The following CCAR1 variants were observed in gnomAD, a reference collection of about 807,000 sequenced individuals.
CCAR1 encodes cell division cycle and apoptosis regulator protein 1.
A neutral mutation model predicts 163.8 loss-of-function variants in CCAR1; 78 were observed. The ratio of observed to expected loss-of-function variants is 0.48; its 90% CI spans 0.40 to 0.57. The LOEUF is 0.57. CCAR1 is among the 20% of genes least tolerant of loss of function. The pLI, the probability that CCAR1 is intolerant of heterozygous loss-of-function variation, is 0.00. For missense variants in CCAR1, 1,019 were observed against 1,365.2 expected, an observed-to-expected ratio of 0.75 and a Z score of 4.00; for synonymous variants, 443 against 460.7, an observed-to-expected ratio of 0.96 and a Z score of 0.49.
At chr10:68,770,560 T>C (rs548373511) in intron 17 of CCAR1, among the ~76,000 whole-genome samples, 1 of 152,088 alleles carries the variant, frequency 6.6e-6, no homozygotes, top group East Asian at 1.9e-4. Flanking sequence ...CTGGCCAACA[T>C]GATGAAACTC....
chr10:68,725,067 G>A (rs2055921724), intron 2 of CCAR1, among the ~76,000 whole-genome samples: 1 of 152,148 alleles, frequency 6.6e-6, no homozygotes, highest in African/African-American at 2.4e-5. Context: ...GAACCCGGCG[G>A]AGGTTGCGGT....
chr10:68,746,222 C>T (rs560685941), intron 6 of CCAR1, among the ~76,000 whole-genome samples: 4 of 151,718 alleles, frequency 2.6e-5, no homozygotes, highest in East Asian at 2.0e-4. Flanking sequence ...CCACCCACCT[C>T]GGCCTCCCAA....
chr10:68,734,588 C>A (rs972667522), intron 2 of CCAR1, among the ~76,000 whole-genome samples: 1 of 152,064 alleles, frequency 6.6e-6, no homozygotes, highest in South Asian at 2.1e-4. Flanking sequence ...CCTCTGCCCG[C>A]CCCCGGGTTG....
chr10:68,722,381 C>A, intron 1 of CCAR1, 74 bp from the exon 2 acceptor site: 2 of 799,982 alleles, frequency 2.5e-6, no homozygotes, highest in Admixed American at 1.8e-5. Flanking sequence ...TTAAACATTT[C>A]TTTCTATTGT....
At chr10:68,780,259 G>A (rs1008002632) in intron 19 of CCAR1, among the ~76,000 whole-genome samples, 2 of 152,084 alleles carry the variant, frequency 1.3e-5, no homozygotes, top group African/African-American at 4.8e-5. Context: ...GCAGTAGCAC[G>A]CTCGTGGCTC....
intron 2 of CCAR1, among the ~76,000 whole-genome samples, chr10:68,732,721 A>G (rs969650251): frequency 6.6e-6 from 1 of 152,072 alleles, no homozygotes; most frequent in Non-Finnish European, 1.5e-5. Context: ...CTATGGATTT[A>G]TCTTCCATTT....
chr10:68,725,113 G>A (rs2055922861), intron 2 of CCAR1, among the ~76,000 whole-genome samples: 1 of 151,866 alleles, frequency 6.6e-6, no homozygotes, highest in African/African-American at 2.4e-5. Context: ...TTGCGCTCTA[G>A]CCTGGGCAAC....
At position 68,740,679 on chromosome 10, in the gene CCAR1, T is replaced by C. The variant is rs778931004; in HGVS notation, c.324+18T>C. 4 of 1,598,928 alleles carry C rather than the reference T, an allele frequency of 2.5e-6. No individual in the cohort carries two copies. The Admixed American group carries it at 5.2e-5, about 21-fold the overall frequency. On this transcript the variant is annotated intron_variant, in intron 5 of 24. Coordinates refer to ENST00000265872, the MANE Select transcript of CCAR1 (RefSeq NM_018237.4). ...TAACACAGGTTAGTTGGTATTACTTTATTTGTTTTGGATGTCTGAATGAAC... is the reference window on the plus strand; with the variant it reads ...TAACACAGGTTAGTTGGTATTACTTCATTTGTTTTGGATGTCTGAATGAAC...
chr10:68,773,525 G>T (rs1485857639), intron 19 of CCAR1, among the ~76,000 whole-genome samples: 1 of 152,056 alleles, frequency 6.6e-6, no homozygotes, highest in Admixed American at 6.6e-5. Context: ...TAGCCAGGCG[G>T]TAGTGGCGCG....
intron 2 of CCAR1, among the ~76,000 whole-genome samples, chr10:68,722,968 G>C (rs1454826981): frequency 6.6e-6 from 1 of 151,862 alleles, no homozygotes; most frequent in Non-Finnish European, 1.5e-5. Context: ...CTGATATTCT[G>C]ATATTGTAAA....
chr10:68,750,197 TTTC>T (rs2056312633), intron 10 of CCAR1, among the ~76,000 whole-genome samples: 2 of 138,158 alleles, frequency 1.4e-5, no homozygotes, highest in African/African-American at 5.4e-5. Context: ...TTACCAGAAA[TTTC>T]TTTTTTCTTT....
At chr10:68,785,880 T>G (rs575534099) in intron 19 of CCAR1, among the ~76,000 whole-genome samples, 255 of 152,352 alleles carry the variant, frequency 1.7e-3, no homozygotes, top group Middle Eastern at 6.8e-3. Flanking sequence ...GTGACTGGCT[T>G]CTTTTACTTA....
Position 68,786,637 on chromosome 10 carries a change from A to G in CCAR1, c.2825A>G (p.Glu942Gly). Reference protein sequence around the residue: ...FDQSHCGYLLEKDLEEILYTL... With the variant: ...FDQSHCGYLLGKDLEEILYTL... ...CAAAGTCATTGTGGTTACCTTCTTG[A>G]AAAGGATTTGGAAGAAATACTTTAT... Residue 942 changes from glutamate to glycine, a missense_variant, in exon 21 of 25, where the codon GAA becomes GGA. By Grantham distance (98) the Glu-to-Gly change is moderately conservative. This residue lies in a region of CCAR1 where 358 missense variants were observed against 406.4 expected (regional missense o/e 0.88). Transcript: ENST00000265872. The G allele has an allele frequency of 6.2e-7, 1 of 1,605,806 alleles. No individual in the cohort carries two copies. The highest frequency in any genetic ancestry group is 2.2e-5 in the East Asian group (1 of 44,622).
intron 19 of CCAR1, among the ~76,000 whole-genome samples, chr10:68,783,083 G>A (rs1372137233): frequency 2.7e-5 from 4 of 148,078 alleles, no homozygotes; most frequent in Non-Finnish European, 5.9e-5. Flanking sequence ...GCTCAATCCA[G>A]CCTTGGACCT....
At position 68,771,445 on chromosome 10, in the gene CCAR1, G is replaced by T. The variant is rs1291051913; in HGVS notation, c.2538G>T (p.Lys846Asn). The part of the protein sequence containing the change: ...KDKKEDRDER[K>N]KEDKRKDDSK... ...AAAAAGAAGATAGAGATGAAAGGAA[G>T]GTCTGTAATAACAACCTGCTTTAGA... is the stretch of plus-strand genomic sequence containing the variant. The change falls in exon 18 of 25, where the codon AAG (lysine) becomes AAT (asparagine). Residue 846 changes from lysine (K) to asparagine (N), a missense_variant and splice_region_variant. Coordinates refer to ENST00000265872, the MANE Select transcript of CCAR1 (RefSeq NM_018237.4). The T allele has an allele frequency of 1.9e-6, 3 of 1,572,604 alleles. No homozygotes were observed. The highest frequency in any genetic ancestry group is 2.2e-5 in the East Asian group (1 of 44,666).
chr10:68,733,843 T>C (rs1190759729), intron 2 of CCAR1, among the ~76,000 whole-genome samples: 1 of 152,074 alleles, frequency 6.6e-6, no homozygotes. Flanking sequence ...TTTATATTTT[T>C]GGTAGAGACA....
Position 68,757,343 on chromosome 10 carries a change from C to T in CCAR1, c.1886C>T (p.Thr629Ile). 1 of 1,587,694 alleles carries T rather than the reference C, an allele frequency of 6.3e-7. No homozygotes were observed. The highest frequency in any genetic ancestry group is 8.6e-7 in the Non-Finnish European group (1 of 1,156,680). ...GAAGCTAAAGAAATTTCTACACCTA[C>T]CCATTGGTCTAAACTTGATCCAAAG... Reference protein sequence around the residue: ...DGEAKEISTPTHWSKLDPKTM... With the variant: ...DGEAKEISTPIHWSKLDPKTM... The change falls in exon 15 of 25, where the codon ACC becomes ATC. Residue 629 changes from threonine (T) to isoleucine (I), a missense_variant. By Grantham distance (89) the Thr-to-Ile change is moderately conservative. Transcript: ENST00000265872.
In CCAR1 at chr10:68,753,880, C is replaced by T. The variant is rs757298807; in HGVS notation, c.1147C>T (p.Arg383Cys). The change falls in exon 11 of 25, where the codon CGC becomes TGC. Residue 383 changes from arginine to cysteine, a missense_variant. Coordinates refer to ENST00000265872, the MANE Select transcript of CCAR1 (RefSeq NM_018237.4). ...CPSCDMMELR[R>C]RYQNLYIPSD... Reference sequence around the variant, plus strand: ...CAGTTGTGACATGATGGAACTAAGGCGCCGTTATCAAAATTTGTATATACC... The same window carrying T: ...CAGTTGTGACATGATGGAACTAAGGTGCCGTTATCAAAATTTGTATATACC... 11 of 1,613,534 alleles carry T rather than the reference C, an allele frequency of 6.8e-6. No homozygotes were observed. Among genetic ancestry groups the T allele is most frequent in the Admixed American group, 3.3e-5 (2 of 59,978 alleles).
intron 8 of CCAR1, among the ~76,000 whole-genome samples, chr10:68,748,228 G>C (rs2056283524): frequency 1.3e-5 from 2 of 151,988 alleles, no homozygotes. Flanking sequence ...CGTAATCCCA[G>C]CACTTTTGGA....
Sources: allele counts gnomAD v4.1 joint callset (sites outside exome capture counted in the v4.1 genomes callset), GRCh38; gene constraint gnomAD v4.1.1; regional missense constraint gnomAD v4.1.1; transcripts MANE v1.5; gene names NCBI Gene and HGNC (gene_info 2026-07-23, HGNC 2026-07-21).